The following PHLPP1 variants were observed in gnomAD, a reference collection of about 807,000 sequenced individuals.
PHLPP1 encodes the protein PH domain and leucine rich repeat protein phosphatase 1.
In PHLPP1, 42 loss-of-function variants were observed where a neutral mutation model predicts 117.2. That is an observed-to-expected ratio of 0.36 (90% CI 0.28 to 0.46). The LOEUF is 0.46. Among genes scored for constraint, PHLPP1 ranks in the 20% least tolerant of loss-of-function variants. PHLPP1 has a pLI of 1.00. For synonymous variants in PHLPP1, 1,042 were observed against 970.7 expected, an observed-to-expected ratio of 1.07 and a Z score of -1.37; for missense variants, 2,084 against 2,241.9, an observed-to-expected ratio of 0.93 and a Z score of 1.42.
intron 1 of PHLPP1, among the ~76,000 whole-genome samples, chr18:62,817,610 AGTGTTT>A (rs1914324069): frequency 6.6e-6 from 1 of 152,102 alleles, no homozygotes; most frequent in South Asian, 2.1e-4. Context: ...GATAACTTCA[AGTGTTT>A]GTAATTGGAG....
chr18:62,914,268 A>G (rs969324811), intron 8 of PHLPP1, among the ~76,000 whole-genome samples: 3 of 152,254 alleles, frequency 2.0e-5, no homozygotes, highest in East Asian at 3.9e-4. Context: ...AAATAAAACT[A>G]TGATATGCCA....
intron 1 of PHLPP1, among the ~76,000 whole-genome samples, chr18:62,787,458 G>A (rs979436670): frequency 2.0e-5 from 3 of 152,152 alleles, no homozygotes; most frequent in East Asian, 1.9e-4. Flanking sequence ...TTGAGCCACC[G>A]TGCCCGACCT....
At chr18:62,970,106 C>T (rs972691145) in intron 14 of PHLPP1, among the ~76,000 whole-genome samples, 1 of 151,562 alleles carries the variant, frequency 6.6e-6, no homozygotes, top group East Asian at 1.9e-4. Flanking sequence ...CTTATTCTAC[C>T]GTGTGTCTCT....
In PHLPP1 at chr18:62,716,662, G is replaced by C; in HGVS notation, c.979G>C (p.Glu327Gln). ...AGCGCCCTCGGACTCCAGCCCCGGC[G>C]AGCCGTTCGTTGGGGGCCCTGTCTC... is the stretch of plus-strand genomic sequence containing the variant. ...SPAPSDSSPG[E>Q]PFVGGPVSSP... is the part of the protein sequence containing the mutation. Residue 327 changes from glutamate (E) to glutamine (Q), a missense_variant, in exon 1 of 17, where the codon GAG (glutamate) becomes CAG (glutamine). By Grantham distance (29) the Glu-to-Gln change is conservative. Transcript: ENST00000262719. This position sits in a 1 kb window ranked among gnomAD's most constrained non-coding sequence, Gnocchi z 5.7. 7.0e-7 allele frequency: 1 copy of C among 1,433,520 alleles called. No individual in the cohort carries two copies. The highest frequency in any genetic ancestry group is 9.1e-7 in the Non-Finnish European group (1 of 1,094,830). 88.8% of individuals were successfully genotyped at this position (1,433,520 alleles called of 1,614,324 possible).
intron 8 of PHLPP1, among the ~76,000 whole-genome samples, chr18:62,914,227 T>G (rs2144417860): frequency 6.6e-6 from 1 of 152,272 alleles, no homozygotes; most frequent in African/African-American, 2.4e-5. Context: ...TGGGAAATAT[T>G]TTAATATTAA....
intron 3 of PHLPP1, among the ~76,000 whole-genome samples, chr18:62,849,125 G>C (rs927898036): frequency 3.3e-5 from 5 of 152,138 alleles, no homozygotes; most frequent in African/African-American, 1.2e-4. Flanking sequence ...ATTGCTCATT[G>C]ATCTTCTTAA....
At chr18:62,935,313 A>G (rs936410427) in intron 10 of PHLPP1, among the ~76,000 whole-genome samples, 1 of 152,232 alleles carries the variant, frequency 6.6e-6, no homozygotes, top group Non-Finnish European at 1.5e-5. Context: ...CTTAAGAATA[A>G]ATAAGAAATG....
At chr18:62,750,739 C>CT (rs1911825820) in intron 1 of PHLPP1, among the ~76,000 whole-genome samples, 2 of 150,498 alleles carry the variant, frequency 1.3e-5, no homozygotes, top group Non-Finnish European at 3.0e-5. Flanking sequence ...TTACAAGCTA[C>CT]TGGGTTCTCC....
intron 1 of PHLPP1, among the ~76,000 whole-genome samples, chr18:62,772,729 G>A (rs1912824857): frequency 6.6e-6 from 1 of 150,616 alleles, no homozygotes; most frequent in Non-Finnish European, 1.5e-5. Context: ...TACTTGGGGG[G>A]CTGAGGGATG....
intron 10 of PHLPP1, among the ~76,000 whole-genome samples, chr18:62,940,404 G>A (rs563682454): frequency 2.8e-5 from 3 of 106,892 alleles, no homozygotes; most frequent in South Asian, 3.3e-4. Flanking sequence ...TCGCTCTGTC[G>A]CCCAGGCTGG....
intron 1 of PHLPP1, among the ~76,000 whole-genome samples, chr18:62,732,177 C>G (rs1380634397): frequency 6.6e-6 from 1 of 152,152 alleles, no homozygotes; most frequent in Non-Finnish European, 1.5e-5. Context: ...GCAGAAGAGG[C>G]CATCTAGGAC....
intron 10 of PHLPP1, among the ~76,000 whole-genome samples, chr18:62,931,441 C>T (rs921214284): frequency 6.6e-6 from 1 of 150,928 alleles, no homozygotes; most frequent in Non-Finnish European, 1.5e-5. Context: ...CTAGAAAAAA[C>T]AGAACACACT....
intron 10 of PHLPP1, among the ~76,000 whole-genome samples, chr18:62,920,401 G>A (rs1385403135): frequency 6.6e-6 from 1 of 152,152 alleles, no homozygotes; most frequent in Admixed American, 6.5e-5. Flanking sequence ...TGAGAAGTGT[G>A]CTGCTCTGTT....
intron 4 of PHLPP1, chr18:62,889,720 A>G (rs1392191256): frequency 1.3e-5 from 2 of 152,244 alleles, no homozygotes; most frequent in Non-Finnish European, 2.9e-5. Context: ...GTGCAGGGTA[A>G]GGAATTCCAG....
intron 1 of PHLPP1, among the ~76,000 whole-genome samples, chr18:62,820,367 C>G (rs1301620169): frequency 6.6e-6 from 1 of 152,192 alleles, no homozygotes; most frequent in Non-Finnish European, 1.5e-5. Flanking sequence ...GAATAATGCA[C>G]TCTGCAATAG....
intron 1 of PHLPP1, among the ~76,000 whole-genome samples, chr18:62,807,444 G>C (rs1015313359): frequency 6.6e-6 from 1 of 152,148 alleles, no homozygotes; most frequent in African/African-American, 2.4e-5. Flanking sequence ...TAAAGAAGAA[G>C]GTATAATTCT....
intron 4 of PHLPP1, among the ~76,000 whole-genome samples, chr18:62,866,177 A>G (rs1915766227): frequency 6.6e-6 from 1 of 152,102 alleles, no homozygotes; most frequent in South Asian, 2.1e-4. Context: ...CAAGGTTTCA[A>G]CTATATCTGT....
At chr18:62,826,316 G>A in intron 1 of PHLPP1, 1 of 370,830 alleles carries the variant, frequency 2.7e-6, no homozygotes, top group African/African-American at 2.1e-5. Context: ...CTGACCTTGG[G>A]GAATGACTTA....
chr18:62,920,262 T>C (rs1033092660), intron 10 of PHLPP1, 148 bp downstream of exon 10: 2 of 794,216 alleles, frequency 2.5e-6, no homozygotes, highest in African/African-American at 1.8e-5. Flanking sequence ...GCCACTTTAC[T>C]GACCATTTTG....
Sources: allele counts gnomAD v4.1 joint callset (sites outside exome capture counted in the v4.1 genomes callset), GRCh38; gene constraint gnomAD v4.1.1; non-coding constraint Gnocchi (gnomAD v3.1); transcripts MANE v1.5; gene names NCBI Gene and HGNC (gene_info 2026-07-23, HGNC 2026-07-21).